P2RX4: variants seen among roughly 807,000 people sequenced by gnomAD.
The protein encoded by P2RX4 is P2X purinoceptor 4.
In P2RX4, 37 loss-of-function variants were observed where a neutral mutation model predicts 48.0. The ratio of observed to expected loss-of-function variants is 0.77; its 90% CI spans 0.59 to 1.01. The LOEUF (loss-of-function observed/expected upper bound fraction) is 1.01. Ranked by LOEUF, P2RX4 falls within the 50% of genes least tolerant of loss-of-function variation. P2RX4 has a pLI of 0.00. For synonymous variants in P2RX4, 200 were observed against 199.7 expected, an observed-to-expected ratio of 1.00 and a Z score of -0.01; for missense variants, 501 against 521.4, an observed-to-expected ratio of 0.96 and a Z score of 0.38.
At chr12:121,230,167 C>G (rs1887246125) in intron 8 of P2RX4, among the ~76,000 whole-genome samples, 2 of 152,208 alleles carry the variant, frequency 1.3e-5, no homozygotes, top group Admixed American at 6.5e-5. Flanking sequence ...CTTTGGGAGG[C>G]CAAGGCGGGC....
intron 2 of P2RX4, among the ~76,000 whole-genome samples, chr12:121,221,675 G>A (rs1593210010): frequency 6.6e-6 from 1 of 152,228 alleles, no homozygotes; most frequent in South Asian, 2.1e-4. Flanking sequence ...TTACAGGCTT[G>A]AGCCACCGCG....
At chr12:121,223,612 T>G (rs1056723281) in intron 5 of P2RX4, among the ~76,000 whole-genome samples, 7 of 152,246 alleles carry the variant, frequency 4.6e-5, no homozygotes, top group African/African-American at 1.7e-4. Context: ...CTTCCTTGTA[T>G]GTTAGGACTC....
chr12:121,222,385 G>T (rs1886683503), intron 4 of P2RX4: 7 of 550,156 alleles, frequency 1.3e-5, no homozygotes, highest in South Asian at 7.5e-5. Context: ...TGTTGTTGTT[G>T]TTGTTTTTTC....
Position 121,233,803 on chromosome 12 carries a change from A to G in P2RX4, c.*254A>G. On this transcript the variant is annotated 3_prime_UTR_variant, in exon 12 of 12. Coordinates refer to ENST00000337233, the MANE Select transcript of P2RX4 (RefSeq NM_002560.3). The stretch of plus-strand genomic sequence containing the variant: ...TCCCGCAACCTGGGGTTGTCGGGGG[A>G]GCGCTGGCCCGACGCAGTGGCACTG... 2 of 788,584 alleles carry G rather than the reference A, an allele frequency of 2.5e-6. No individual in the cohort carries two copies. The highest frequency in any genetic ancestry group is 3.9e-6 in the Non-Finnish European group (2 of 517,462). The allele number at this position is 788,584 out of a possible 1,614,324, so 48.8% of individuals were successfully genotyped here.
Position 121,221,998 on chromosome 12 carries a change from G to A in P2RX4, c.354+14G>A, listed in dbSNP as rs28360468. On this transcript the variant is annotated intron_variant, in intron 3 of 11. Transcript: ENST00000337233. ...CTGTGCCCCGAGGTAGGAGGCCCCC[G>A]GGAAGAGCCCCAGGCCCCACACCCC... 8,790 of 1,612,862 alleles carry A rather than the reference G, an allele frequency of 5.4e-3. 42 individuals carry two copies. Among genetic ancestry groups the A allele is most frequent in the Non-Finnish European group, 5.7e-3 (6,699 of 1,178,832 alleles).
At chr12:121,227,684 GTCTTC>G (rs1052109829) in intron 5 of P2RX4, among the ~76,000 whole-genome samples, 11 of 152,200 alleles carry the variant, frequency 7.2e-5, no homozygotes, top group Non-Finnish European at 1.0e-4. Context: ...TCGGCTCAGT[GTCTTC>G]TCTTGGAAGA....
rs1028854562 is a variant in P2RX4, at chr12:121,222,327, T to C, written c.427+161T>C. 25 of 622,056 alleles carry C rather than the reference T, an allele frequency of 4.0e-5. No homozygotes were observed. The African/African-American group carries it at 4.4e-4, about 11-fold the overall frequency. 38.5% of individuals were successfully genotyped at this position (622,056 alleles called of 1,614,324 possible). ...AGCCCCTCTACATTCACTGCTGTCATTGGAGCCCCACAAGCCATCCCAGCT... is the reference window on the plus strand; with the variant it reads ...AGCCCCTCTACATTCACTGCTGTCACTGGAGCCCCACAAGCCATCCCAGCT... On this transcript the variant is annotated intron_variant, in intron 4 of 11. Coordinates refer to ENST00000337233, the MANE Select transcript of P2RX4 (RefSeq NM_002560.3).
At position 121,232,953 on chromosome 12, in the gene P2RX4, G is replaced by T. The variant is rs760577830; in HGVS notation, c.1045-44G>T. ...ACGCAAAGAATAAGATGGGTTGATG[G>T]GTTGCAAGCATCCTGGCTCACTCTC... On this transcript the variant is annotated intron_variant, in intron 10 of 11. Coordinates refer to ENST00000337233, the MANE Select transcript of P2RX4 (RefSeq NM_002560.3). The surrounding 1 kb of genome is among the most constrained non-coding windows in gnomAD (Gnocchi z 4.3). 7.6e-7 allele frequency: 1 copy of T among 1,320,206 alleles called. No individual in the cohort carries two copies. Among genetic ancestry groups the T allele is most frequent in the South Asian group, 1.2e-5 (1 of 85,254 alleles). 81.8% of individuals were successfully genotyped at this position (1,320,206 alleles called of 1,614,324 possible).
intron 1 of P2RX4, 105 bp downstream of exon 1, chr12:121,210,403 G>A (rs1885747421): frequency 4.3e-6 from 5 of 1,175,416 alleles, no homozygotes; most frequent in South Asian, 5.3e-5. Context: ...CGGGAGCGGC[G>A]AGCCGAGGCG....
chr12:121,233,616 G>A lies in P2RX4; in HGVS notation c.*67G>A. The A allele has an allele frequency of 6.4e-7, 1 of 1,574,222 alleles. No individual in the cohort carries two copies. The highest frequency in any genetic ancestry group is 8.6e-7 in the Non-Finnish European group (1 of 1,158,342). ...ACAGAGAGGAGGAGGAGGGAGAAAT[G>A]GCCACCACATCACCCCAGAGAAATT... On this transcript the variant is annotated 3_prime_UTR_variant, in exon 12 of 12. Coordinates refer to ENST00000337233, the MANE Select transcript of P2RX4 (RefSeq NM_002560.3).
At chr12:121,224,012 G>C (rs1276927063) in intron 5 of P2RX4, among the ~76,000 whole-genome samples, 1 of 152,204 alleles carries the variant, frequency 6.6e-6, no homozygotes, top group Non-Finnish European at 1.5e-5. Context: ...AGCCCCCCAA[G>C]TCTGAGTCTC....
At chr12:121,216,647 C>T in intron 1 of P2RX4, 1 of 313,188 alleles carries the variant, frequency 3.2e-6, no homozygotes, top group African/African-American at 2.2e-5. Context: ...ATGGTGAAAC[C>T]CCGTCTCTAC....
chr12:121,212,824 A>ATATATAT lies in P2RX4; in HGVS notation c.134+2527_134+2528insATATATT, dbSNP rs370835501. The ATATATAT allele has an allele frequency of 2.7e-3, 87 of 32,242 alleles. 3 individuals carry two copies. The highest frequency in any genetic ancestry group is 2.9e-3 in the Non-Finnish European group (60 of 20,826). 2.0% of individuals were successfully genotyped at this position (32,242 alleles called of 1,614,324 possible). On this transcript the variant is annotated intron_variant, in intron 1 of 11. Coordinates refer to ENST00000337233, the MANE Select transcript of P2RX4 (RefSeq NM_002560.3). ...TATATATATATATATATATATATATATTTTTTTTTTTTTTTTGGAGACTCA... is the reference window on the plus strand; with the variant it reads ...TATATATATATATATATATATATATATATATATTTTTTTTTTTTTTTTTGGAGACTCA...
At chr12:121,221,166 T>TTG (rs71079040) in intron 2 of P2RX4, among the ~76,000 whole-genome samples, 2,719 of 100,878 alleles carry the variant, frequency 0.027, 48 homozygotes, top group African/African-American at 0.054. Flanking sequence ...CTGTGTGTGT[T>TTG]TGTGTGTGTG....
chr12:121,228,728 G>A lies in P2RX4; in HGVS notation c.609G>A (p.Arg203=), dbSNP rs1887153060. The part of the protein sequence containing the change: ...IWYPKFNFSK[R]NILPNITTTY... The stretch of plus-strand genomic sequence containing the variant: ...TTCTGCTTCCTCTCGACTTTAGGAG[G>A]AATATCCTTCCCAACATCACCACTA... The change falls in exon 7 of 12, where the codon AGG becomes AGA. Residue 203 remains arginine, a synonymous_variant. Coordinates refer to ENST00000337233, the MANE Select transcript of P2RX4 (RefSeq NM_002560.3). 1.9e-6 allele frequency: 3 copies of A among 1,613,878 alleles called. No homozygotes were observed. Among genetic ancestry groups the A allele is most frequent in the Admixed American group, 3.3e-5 (2 of 59,968 alleles).
chr12:121,230,881 C>T (rs1169717), intron 8 of P2RX4, among the ~76,000 whole-genome samples: 24,251 of 151,618 alleles, frequency 0.16, 2,207 homozygotes, highest in East Asian at 0.23. Context: ...CATGCGTGTG[C>T]GCTCTCTCGC....
rs565130874 is a variant in P2RX4 at position 121,232,848 on chromosome 12, C to G, written c.1045-149C>G. On this transcript the variant is annotated intron_variant, in intron 10 of 11. Transcript: ENST00000337233. This position sits in a 1 kb window ranked among gnomAD's most constrained non-coding sequence, Gnocchi z 4.3. ...CACCTTCCCTTCTCCAAGACCACCC[C>G]CCTCAGGTCCCAGCCTTCTCCCAAG... The G allele has an allele frequency of 1.7e-4, 148 of 854,418 alleles. No individual in the cohort carries two copies. Among genetic ancestry groups the G allele is most frequent in the Admixed American group, 4.0e-4 (23 of 58,174 alleles). 52.9% of individuals were successfully genotyped at this position (854,418 alleles called of 1,614,324 possible).
chr12:121,214,280 A>G (rs181485068), intron 1 of P2RX4: 3 of 152,024 alleles, frequency 2.0e-5, no homozygotes, highest in Admixed American at 1.3e-4. Context: ...CGCATTCACT[A>G]TCTCGGTCAT....
In P2RX4 at chr12:121,220,519, C is replaced by A. The variant is rs1026124225; in HGVS notation, c.283-1394C>A. Among the ~76,000 whole-genome samples, 45 of 152,048 alleles carry A rather than the reference C, an allele frequency of 3.0e-4. No individual in the cohort carries two copies. In the East Asian group the frequency reaches 8.1e-3, roughly 27 times the overall value. ...GGTGTGGTGATGTACACCTGTAGTCCCAGCTACTCAGGAGGGTGAGGCTGG... is the reference window on the plus strand; with the variant it reads ...GGTGTGGTGATGTACACCTGTAGTCACAGCTACTCAGGAGGGTGAGGCTGG... On this transcript the variant is annotated intron_variant, in intron 2 of 11. Coordinates refer to ENST00000337233, the MANE Select transcript of P2RX4 (RefSeq NM_002560.3).
Sources: gnomAD v4.1 joint callset for allele counts (sites outside exome capture counted in the v4.1 genomes callset) on GRCh38, gnomAD v4.1.1 for gene constraint, Gnocchi (gnomAD v3.1) non-coding constraint, MANE v1.5 for transcripts, NCBI Gene and HGNC (gene_info 2026-07-23, HGNC 2026-07-21) for gene names.